Variants in TUT4 observed in about 807,000 individuals in gnomAD.
TUT4 encodes terminal uridylyltransferase 4.
TUT4 carries 36 observed loss-of-function variants against 192.2 expected under a neutral mutation model. That is an observed-to-expected ratio of 0.19 (90% CI 0.14 to 0.25). TUT4 has a LOEUF of 0.25. Among genes scored for constraint, TUT4 ranks in the 10% least tolerant of loss-of-function variants. The pLI is 1.00. For synonymous variants in TUT4, 618 were observed against 666.0 expected (o/e 0.93, Z 1.11); for missense variants, 1,493 against 1,957.2 (o/e 0.76, Z 4.47).
intron 11 of TUT4, among the ~76,000 whole-genome samples, chr1:52,478,763 A>G (rs1487368620): frequency 6.6e-6 from 1 of 152,200 alleles, no homozygotes; most frequent in Non-Finnish European, 1.5e-5. Context: ...AACCTGGCTA[A>G]AAGTAACCAC....
rs904237099 is a variant in TUT4 at position 52,481,348 on chromosome 1, T to G, written c.1848+75A>C. On this transcript the variant is annotated intron_variant, in intron 11 of 29. Coordinates refer to ENST00000257177, the MANE Select transcript of TUT4 (RefSeq NM_001009881.3). ...TGCTCAAGGTCAGTCAATCTACAAT[T>G]AAAATAGCTTCAATCGAAGAATATC... The G allele has an allele frequency of 8.0e-6, 12 of 1,496,630 alleles. No individual in the cohort carries two copies. The African/African-American group carries it at 1.7e-4, about 21-fold the overall frequency. 92.7% of individuals were successfully genotyped at this position (1,496,630 alleles called of 1,614,324 possible).
chr1:52,515,975 T>C lies in TUT4; in HGVS notation c.798A>G (p.Glu266=), dbSNP rs750246063. Residue 266 remains glutamate (E), a synonymous_variant, in exon 3 of 30, where the codon GAA becomes GAG. Coordinates refer to ENST00000257177, the MANE Select transcript of TUT4 (RefSeq NM_001009881.3). ...GCCTCTGCTCAGGTGTCAATGCAGA[T>C]TCATCTATCACAGTGGCATTTTCTA... ...DYLENATVID[E]SALTPEQRLG... 1 of 1,613,618 alleles carries C rather than the reference T, an allele frequency of 6.2e-7. No individual in the cohort carries two copies. The highest frequency in any genetic ancestry group is 8.5e-7 in the Non-Finnish European group (1 of 1,179,878).
chr1:52,438,091 G>A, intron 25 of TUT4, 129 bp downstream of exon 25: 1 of 633,852 alleles, frequency 1.6e-6, no homozygotes, highest in Non-Finnish European at 2.7e-6. Flanking sequence ...CCACTCAAAT[G>A]AACATTTACC....
At chr1:52,487,988 G>A (rs1201634065) in intron 9 of TUT4, among the ~76,000 whole-genome samples, 2 of 152,140 alleles carry the variant, frequency 1.3e-5, no homozygotes, top group East Asian at 3.9e-4. Context: ...AAAAGTAAGA[G>A]TGAAGCATTC....
Position 52,431,026 on chromosome 1 carries a change from TG to T in TUT4, c.4697del (p.Ala1566GlufsTer12). The T allele has an allele frequency of 6.3e-7, 1 of 1,590,220 alleles. No individual in the cohort carries two copies. Among genetic ancestry groups the T allele is most frequent in the Non-Finnish European group, 8.6e-7 (1 of 1,162,636 alleles). ...VAPNSLVNSG[A>X]VGNSEPGFRG... ...AGGAAAGGTTACCTGAATTCCCCAC[TG>T]CACCACTGTTTACCAGGGAATTTGG... is the stretch of plus-strand genomic sequence containing the variant. On this transcript the variant is annotated frameshift_variant, in exon 28 of 30. Transcript: ENST00000257177. LOFTEE classifies it high-confidence loss of function.
intron 4 of TUT4, among the ~76,000 whole-genome samples, chr1:52,498,243 T>C (rs1446278554): frequency 6.8e-6 from 1 of 146,128 alleles, no homozygotes. Flanking sequence ...TTCAGTACTT[T>C]TTTTTTTTTT....
rs1372629432 is a variant in TUT4, at chr1:52,448,716, TA to T, written c.3436-2050del. Among the ~76,000 whole-genome samples, 5 of 152,076 alleles carry T rather than the reference TA, an allele frequency of 3.3e-5. No homozygotes were observed. In the East Asian group the frequency reaches 9.6e-4, roughly 29 times the overall value. Reference sequence around the variant, plus strand: ...GGGCTGACATGTAATATTTTATCCTTAAAGATTCAGACGCTATTATAGGTAT... The same window carrying T: ...GGGCTGACATGTAATATTTTATCCTTAAGATTCAGACGCTATTATAGGTAT... On this transcript the variant is annotated intron_variant, in intron 20 of 29. Transcript: ENST00000257177.
intron 24 of TUT4, among the ~76,000 whole-genome samples, chr1:52,441,734 A>G (rs940050546): frequency 1.3e-5 from 2 of 152,170 alleles, no homozygotes; most frequent in Non-Finnish European, 2.9e-5. Context: ...TGTACTATAT[A>G]CTTAAAATTG....
intron 28 of TUT4, 21 bp downstream of exon 28, chr1:52,430,987 TAAAAA>T: frequency 6.5e-7 from 1 of 1,531,404 alleles, no homozygotes; most frequent in South Asian, 1.3e-5. Context: ...GACATGCAGA[TAAAAA>T]AGAAGAAAAG....
At chr1:52,430,497 G>T (rs867193080) in intron 28 of TUT4, among the ~76,000 whole-genome samples, 4 of 152,056 alleles carry the variant, frequency 2.6e-5, no homozygotes, top group South Asian at 2.1e-4. Flanking sequence ...TGGCCAGGCT[G>T]GTCTCGAACT....
intron 2 of TUT4, among the ~76,000 whole-genome samples, chr1:52,516,631 T>A (rs1413364200): frequency 6.6e-6 from 1 of 152,204 alleles, no homozygotes; most frequent in Admixed American, 6.5e-5. Flanking sequence ...ATCTGCAGCA[T>A]CTAGCAGTAT....
rs189736214 is a variant in TUT4, at chr1:52,475,081, T to A, written c.2478A>T (p.Leu826Phe). 1 of 1,614,170 alleles carries A rather than the reference T, an allele frequency of 6.2e-7. No homozygotes were observed. Among genetic ancestry groups the A allele is most frequent in the South Asian group, 1.1e-5 (1 of 91,084 alleles). The part of the protein sequence containing the change: ...QDDLAPSETC[L>F]KKELSQCNCI... ...AATTACATTGGCTGAGCTCTTTTTT[T>A]AAACAAGTTTCTGAAGGCGCTAAAT... Residue 826 changes from leucine to phenylalanine, a missense_variant, in exon 13 of 30, where the codon TTA becomes TTT. Around this residue, in one of 7 missense-constraint regions of TUT4, gnomAD observed 245 missense variants for 218.4 expected, o/e 1.12. Transcript: ENST00000257177.
chr1:52,438,848 T>A (rs183481092), intron 24 of TUT4, among the ~76,000 whole-genome samples: 2 of 152,070 alleles, frequency 1.3e-5, no homozygotes, highest in Non-Finnish European at 2.9e-5. Flanking sequence ...GGCAGGGGGA[T>A]CACCTGAGGT....
intron 14 of TUT4, among the ~76,000 whole-genome samples, chr1:52,469,719 T>A (rs1430448559): frequency 6.6e-6 from 1 of 151,870 alleles, no homozygotes; most frequent in African/African-American, 2.4e-5. Context: ...TGAAACCCTG[T>A]CTCTACTAAA....
At chr1:52,508,327 C>CAAAA (rs34321361) in intron 4 of TUT4, among the ~76,000 whole-genome samples, 19 of 78,624 alleles carry the variant, frequency 2.4e-4, no homozygotes, top group African/African-American at 8.7e-4. Flanking sequence ...ACTCTGTCTC[C>CAAAA]AAAAAAAAAA....
At chr1:52,529,459 A>AAAGTTGTT (rs1432614793) in intron 1 of TUT4, among the ~76,000 whole-genome samples, 2 of 152,206 alleles carry the variant, frequency 1.3e-5, no homozygotes, top group African/African-American at 4.8e-5. Context: ...TTTAACAACT[A>AAAGTTGTT]AAATGAGCTC....
chr1:52,447,645 A>G (rs1657966442), intron 20 of TUT4, among the ~76,000 whole-genome samples: 1 of 152,188 alleles, frequency 6.6e-6, no homozygotes, highest in Admixed American at 6.6e-5. Flanking sequence ...GACTTCCACA[A>G]GTAATTGATA....
At chr1:52,509,835 A>G (rs895432328) in intron 3 of TUT4, 123 bp from the exon 4 acceptor site, 1 of 709,412 alleles carries the variant, frequency 1.4e-6, no homozygotes, top group Non-Finnish European at 2.5e-6. Context: ...TTTTTTCTTT[A>G]TCCTTTCCTT....
intron 2 of TUT4, among the ~76,000 whole-genome samples, chr1:52,519,358 A>G (rs1679592509): frequency 6.6e-6 from 1 of 152,134 alleles, no homozygotes; most frequent in African/African-American, 2.4e-5. Flanking sequence ...GTCAGTGGGG[A>G]GGAGGAGCGG....
Sources: allele counts gnomAD v4.1 joint callset (sites outside exome capture counted in the v4.1 genomes callset), GRCh38; gene constraint gnomAD v4.1.1; regional missense constraint gnomAD v4.1.1; transcripts MANE v1.5; gene names NCBI Gene and HGNC (gene_info 2026-07-23, HGNC 2026-07-21).